DISP1: variants seen among roughly 807,000 people sequenced by gnomAD.
The protein encoded by DISP1 is dispatched RND transporter family member 1.
DISP1 carries 30 observed loss-of-function variants against 37.3 expected under a neutral mutation model. That is an observed-to-expected ratio of 0.80 (90% CI 0.60 to 1.09). DISP1 has a LOEUF of 1.09. Ranked by LOEUF, DISP1 falls within the 50% of genes least tolerant of loss-of-function variation. The pLI is 0.00. For missense variants in DISP1, 1,598 were observed against 1,879.5 expected (o/e 0.85, Z 2.77); for synonymous variants, 634 against 690.2 (o/e 0.92, Z 1.28).
chr1:222,952,838 T>C (rs547477322), intron 3 of DISP1, among the ~76,000 whole-genome samples: 89 of 151,984 alleles, frequency 5.9e-4, no homozygotes, highest in Non-Finnish European at 9.3e-4. Context: ...AGAGGGAGAC[T>C]GTCTAAAAAC....
intron 1 of DISP1, among the ~76,000 whole-genome samples, chr1:222,919,442 G>A (rs906672233): frequency 1.3e-5 from 2 of 152,166 alleles, no homozygotes; most frequent in Non-Finnish European, 2.9e-5. Flanking sequence ...GCTCCTCCCT[G>A]CTCTGTCTAC....
chr1:222,884,900 G>A (rs560946752), intron 1 of DISP1, among the ~76,000 whole-genome samples: 58 of 152,194 alleles, frequency 3.8e-4, no homozygotes, highest in African/African-American at 1.3e-3. Flanking sequence ...GCAGTGGCGC[G>A]ATCTTGGCTC....
At chr1:222,985,526 T>TG (rs1678212608) in intron 4 of DISP1, among the ~76,000 whole-genome samples, 1 of 152,160 alleles carries the variant, frequency 6.6e-6, no homozygotes, top group Non-Finnish European at 1.5e-5. Context: ...GGCGGGTGCC[T>TG]GGAATCCCAG....
chr1:222,892,255 A>G lies in DISP1; in HGVS notation c.-158-36175A>G, dbSNP rs184179228. On this transcript the variant is annotated intron_variant, in intron 1 of 8. Coordinates refer to ENST00000675850, the MANE Select transcript of DISP1 (RefSeq NM_001377229.1). ...GCAGCAACAGCAGGAAACATGACAC[A>G]GAGAGTCAAAGGTTAAGATGGCTAT... Among the ~76,000 whole-genome samples the G allele has an allele frequency of 2.6e-5, 4 of 152,328 alleles. No individual in the cohort carries two copies. In the East Asian group the frequency reaches 5.8e-4, roughly 22 times the overall value.
At chr1:222,944,722 A>T (rs1674640894) in intron 3 of DISP1, among the ~76,000 whole-genome samples, 1 of 152,234 alleles carries the variant, frequency 6.6e-6, no homozygotes, top group Non-Finnish European at 1.5e-5. Flanking sequence ...AACTTCAGAT[A>T]AGTGGAATCA....
chr1:222,829,502 T>A (rs1665224799), intron 1 of DISP1, among the ~76,000 whole-genome samples: 1 of 152,036 alleles, frequency 6.6e-6, no homozygotes, highest in Non-Finnish European at 1.5e-5. Context: ...TGGAGTGCAG[T>A]GGCACGATCT....
chr1:222,963,880 C>G (rs112559485), intron 3 of DISP1, among the ~76,000 whole-genome samples: 1 of 151,760 alleles, frequency 6.6e-6, no homozygotes, highest in African/African-American at 2.4e-5. Context: ...TATCCCGGAA[C>G]TTAAAGTAAA....
At chr1:222,942,338 A>T (rs778757674) in intron 2 of DISP1, among the ~76,000 whole-genome samples, 2 of 152,148 alleles carry the variant, frequency 1.3e-5, no homozygotes, top group Non-Finnish European at 2.9e-5. Context: ...CATTCTTAAG[A>T]TTATTCAAAT....
chr1:222,920,669 C>T (rs991444672), intron 1 of DISP1, among the ~76,000 whole-genome samples: 34 of 151,914 alleles, frequency 2.2e-4, no homozygotes, highest in African/African-American at 7.0e-4. Context: ...TTTTTGGTTA[C>T]GTTAAGGAGG....
At chr1:222,895,246 T>G (rs61840293) in intron 1 of DISP1, among the ~76,000 whole-genome samples, 152,286 of 152,336 alleles carry the variant, frequency 1, 76,118 homozygotes, top group Non-Finnish European at 1. Context: ...TCCAGTTGAA[T>G]GCTCAGCTGA....
At chr1:222,832,316 C>T (rs1665962380) in intron 1 of DISP1, among the ~76,000 whole-genome samples, 1 of 152,092 alleles carries the variant, frequency 6.6e-6, no homozygotes, top group Admixed American at 6.5e-5. Context: ...TTGTAAGTTT[C>T]TTAACCCTTT....
chr1:222,907,864 G>A (rs1325265756), intron 1 of DISP1, among the ~76,000 whole-genome samples: 1 of 152,274 alleles, frequency 6.6e-6, no homozygotes, highest in African/African-American at 2.4e-5. Flanking sequence ...CAGGAGAATT[G>A]CTTGAACCCT....
intron 1 of DISP1, among the ~76,000 whole-genome samples, chr1:222,839,591 A>C (rs1271647266): frequency 2.0e-5 from 3 of 152,188 alleles, no homozygotes; most frequent in Non-Finnish European, 4.4e-5. Context: ...AATTTACAGT[A>C]GCATTATATC....
At chr1:222,835,804 T>C (rs1666883719) in intron 1 of DISP1, among the ~76,000 whole-genome samples, 1 of 151,916 alleles carries the variant, frequency 6.6e-6, no homozygotes, top group Admixed American at 6.5e-5. Flanking sequence ...ATACAAAAAT[T>C]AGCCAGGTGT....
chr1:222,852,551 C>G (rs75892385), intron 1 of DISP1, among the ~76,000 whole-genome samples: 13 of 152,202 alleles, frequency 8.5e-5, no homozygotes, highest in Non-Finnish European at 1.5e-4. Context: ...CATGAATCAT[C>G]ATGACAGCCT....
chr1:222,816,977 G>A (rs965191921), intron 1 of DISP1, among the ~76,000 whole-genome samples: 4 of 152,220 alleles, frequency 2.6e-5, no homozygotes, highest in Non-Finnish European at 1.5e-5. Context: ...AAGCATGCAA[G>A]TCTTTAGACA....
At chr1:222,976,991 T>G (rs568243561) in intron 3 of DISP1, among the ~76,000 whole-genome samples, 1 of 152,312 alleles carries the variant, frequency 6.6e-6, no homozygotes, top group African/African-American at 2.4e-5. Flanking sequence ...CACATTTGCT[T>G]TCATAGCTCA....
chr1:222,996,283 TTAACTC>T (rs911508719), intron 8 of DISP1, among the ~76,000 whole-genome samples: 4 of 152,216 alleles, frequency 2.6e-5, no homozygotes, highest in Non-Finnish European at 1.5e-5. Flanking sequence ...ATACAGAAAA[TTAACTC>T]TAAAGTTGTA....
chr1:222,993,991 A>G (rs1678880460), intron 7 of DISP1, among the ~76,000 whole-genome samples: 1 of 152,230 alleles, frequency 6.6e-6, no homozygotes. Flanking sequence ...TTGTTAGCAC[A>G]ATTAGACATT....
Sources: allele counts gnomAD v4.1 joint callset (sites outside exome capture counted in the v4.1 genomes callset), GRCh38; gene constraint gnomAD v4.1.1; transcripts MANE v1.5; gene names NCBI Gene and HGNC (gene_info 2026-07-23, HGNC 2026-07-21).